KPNA7: variants seen among roughly 807,000 people sequenced by gnomAD.
KPNA7 encodes the protein importin subunit alpha-8.
Under a neutral mutation model 53.7 loss-of-function variants are expected in KPNA7, and 54 were observed. That is an observed-to-expected ratio of 1.01 (90% CI 0.81 to 1.26). The LOEUF is 1.26. KPNA7 is among the 50% of genes most tolerant of loss of function. KPNA7 has a pLI of 0.00. For synonymous variants in KPNA7, 276 were observed against 259.3 expected (o/e 1.06, Z -0.62); for missense variants, 640 against 644.5 (o/e 0.99, Z 0.07).
the KPNA7 span, among the ~76,000 whole-genome samples, chr7:99,146,484 T>TG: frequency 6.6e-6 from 1 of 151,082 alleles, no homozygotes; most frequent in Non-Finnish European, 1.5e-5. Context: ...GAGGCTGAGG[T>TG]GGGGGGATTA....
Position 99,195,071 on chromosome 7 carries a change from G to A in KPNA7, c.552C>T (p.Ala184=), listed in dbSNP as rs770739902. The A allele has an allele frequency of 2.3e-5, 36 of 1,550,966 alleles. No individual in the cohort carries two copies. The highest frequency in any genetic ancestry group is 4.1e-5 in the African/African-American group (3 of 72,932). Reference sequence around the variant, plus strand: ...AGCCCACTAAGGGGAGAGTCTCACCGGCTATATTACCAAGAGCCCACACTG... The same window carrying A: ...AGCCCACTAAGGGGAGAGTCTCACCAGCTATATTACCAAGAGCCCACACTG... ...EQAVWALGNI[A]GDGPEFRDNV... is the part of the protein sequence containing the mutation. The change falls in exon 5 of 11, where the codon GCC becomes GCT. Residue 184 remains alanine, a splice_region_variant and synonymous_variant. Coordinates refer to ENST00000327442, the MANE Select transcript of KPNA7 (RefSeq NM_001145715.3).
intron 6 of KPNA7, 34 bp downstream of exon 6, chr7:99,192,984 TA>T (rs66966638): frequency 0.21 from 213,454 of 1,001,916 alleles, 1,813 homozygotes; most frequent in South Asian, 0.27. Context: ...AATTTTAATT[TA>T]AAAAAAAAAA....
Position 99,176,448 on chromosome 7 carries a change from G to C in KPNA7, c.1464+1472C>G, listed in dbSNP as rs368831038. On this transcript the variant is annotated intron_variant, in intron 10 of 10. Coordinates refer to ENST00000327442, the MANE Select transcript of KPNA7 (RefSeq NM_001145715.3). ...TAACAAGTGTCGGCAAGGGTGTGGA[G>C]AAATTGGAATCCTCATGCATTGTTG... is the stretch of plus-strand genomic sequence containing the variant. 2.0e-4 allele frequency among the ~76,000 whole-genome samples: 30 copies of C among 152,286 alleles called. No individual in the cohort carries two copies. The East Asian group carries it at 4.2e-3, about 22-fold the overall frequency.
chr7:99,185,309 T>C (rs1005235522), intron 7 of KPNA7, 147 bp from the exon 8 acceptor site: 3 of 641,980 alleles, frequency 4.7e-6, no homozygotes, highest in Non-Finnish European at 8.2e-6. Flanking sequence ...GTATCTGTGA[T>C]CATTATTCAA....
intron 5 of KPNA7, among the ~76,000 whole-genome samples, chr7:99,193,704 A>C (rs1252631057): frequency 6.7e-6 from 1 of 150,298 alleles, no homozygotes; most frequent in African/African-American, 2.5e-5. Context: ...GGGATACAGG[A>C]TCTCACTCTA....
intron 6 of KPNA7, among the ~76,000 whole-genome samples, chr7:99,190,259 C>A (rs1789866812): frequency 6.6e-6 from 1 of 150,834 alleles, no homozygotes. Flanking sequence ...ATCGCTTGAA[C>A]CCAGGAGGCG....
intron 7 of KPNA7, among the ~76,000 whole-genome samples, chr7:99,187,819 A>C (rs1207181246): frequency 7.6e-6 from 1 of 132,144 alleles, no homozygotes; most frequent in African/African-American, 2.9e-5. Flanking sequence ...AAAAAAAAAA[A>C]AAAAAAAAAA....
At chr7:99,216,112 C>G (rs879915465) in intron 1 of KPNA7, among the ~76,000 whole-genome samples, 1 of 152,128 alleles carries the variant, frequency 6.6e-6, no homozygotes, top group Admixed American at 6.6e-5. Context: ...ACTACAGCCT[C>G]GACTTTCTGG....
the KPNA7 span, among the ~76,000 whole-genome samples, chr7:99,168,374 G>C: frequency 6.6e-6 from 1 of 152,194 alleles, no homozygotes; most frequent in Non-Finnish European, 1.5e-5. Context: ...TGTGGGAATA[G>C]GGGGGTTAGT....
chr7:99,149,314 C>CT, the KPNA7 span, among the ~76,000 whole-genome samples: 9 of 152,092 alleles, frequency 5.9e-5, no homozygotes, highest in Non-Finnish European at 8.8e-5. Flanking sequence ...AGCAGGTGTG[C>CT]TGAAAAGAGG....
intron 9 of KPNA7, among the ~76,000 whole-genome samples, chr7:99,179,178 T>C (rs1012377461): frequency 6.6e-6 from 1 of 152,152 alleles, no homozygotes; most frequent in Non-Finnish European, 1.5e-5. Context: ...GAAAATTACA[T>C]TAAAAAGATG....
downstream of KPNA7, among the ~76,000 whole-genome samples, chr7:99,170,271 C>T (rs181611658): frequency 8.9e-4 from 136 of 152,160 alleles, no homozygotes; most frequent in African/African-American, 2.7e-3. Flanking sequence ...AAAGCTAGGT[C>T]GATAGCACAG....
intron 7 of KPNA7, 100 bp downstream of exon 7, chr7:99,188,200 C>CAAAAAAAAAAAAAAAAA (rs1789728354): frequency 2.0e-6 from 1 of 493,846 alleles, no homozygotes; most frequent in African/African-American, 3.1e-5. Flanking sequence ...AAAAAAAAAG[C>CAAAAAAAAAAAAAAAAA]AAAGACCAGG....
rs1789494899 is a variant in KPNA7, at chr7:99,184,917, T to C, written c.1134+12A>G. On this transcript the variant is annotated intron_variant, in intron 8 of 10. Transcript: ENST00000327442. Reference sequence around the variant, plus strand: ...GTAGTCCTTTGCCATGGTTGCTGTGTGCGCCACTTACGTTTTTTAGCAGAG... The same window carrying C: ...GTAGTCCTTTGCCATGGTTGCTGTGCGCGCCACTTACGTTTTTTAGCAGAG... 1.9e-6 allele frequency: 3 copies of C among 1,549,712 alleles called. No individual in the cohort carries two copies. The highest frequency in any genetic ancestry group is 1.4e-5 in the African/African-American group (1 of 73,128).
intron 6 of KPNA7, among the ~76,000 whole-genome samples, chr7:99,188,824 C>T (rs556617062): frequency 6.6e-6 from 1 of 152,154 alleles, no homozygotes; most frequent in East Asian, 1.9e-4. Context: ...ATTACAGGTG[C>T]CCGCCACCAC....
At chr7:99,154,830 A>G in the KPNA7 span, among the ~76,000 whole-genome samples, 1 of 152,030 alleles carries the variant, frequency 6.6e-6, no homozygotes, top group Non-Finnish European at 1.5e-5. Flanking sequence ...ATGTTCATGT[A>G]ATATACACCA....
chr7:99,188,248 A>G, intron 7 of KPNA7, 52 bp downstream of exon 7: 1 of 1,531,766 alleles, frequency 6.5e-7, no homozygotes. Context: ...GAACCTGCTA[A>G]AGTGACTATG....
At chr7:99,181,013 CTGTGTG>C (rs1333234307) in intron 9 of KPNA7, among the ~76,000 whole-genome samples, 1 of 16,476 alleles carries the variant, frequency 6.1e-5, no homozygotes, top group Admixed American at 4.8e-4. Context: ...CTCTCTCTCT[CTGTGTG>C]TGTGTCTCTC....
intron 7 of KPNA7, among the ~76,000 whole-genome samples, chr7:99,186,166 T>G (rs1181971341): frequency 6.6e-6 from 1 of 152,154 alleles, no homozygotes; most frequent in Non-Finnish European, 1.5e-5. Flanking sequence ...TAATTGGAGA[T>G]AATGAGATCT....
Sources: allele counts gnomAD v4.1 joint callset (sites outside exome capture counted in the v4.1 genomes callset), GRCh38; gene constraint gnomAD v4.1.1; transcripts MANE v1.5; gene names NCBI Gene and HGNC (gene_info 2026-07-23, HGNC 2026-07-21).